Variants in MTCL3 observed in about 807,000 individuals in gnomAD.
MTCL3 encodes the protein MTCL family member 3.
the MTCL3 span, chr6:127,476,012 G>T: frequency 6.2e-7 from 1 of 1,610,854 alleles, no homozygotes. This position sits in a 1 kb window ranked among gnomAD's most constrained non-coding sequence, Gnocchi z 4.4. Flanking sequence ...GCCGTGATGC[G>T]CTTGTTCTGC....
chr6:127,509,567 TTACTC>T, the MTCL3 span, among the ~76,000 whole-genome samples: 42 of 152,312 alleles, frequency 2.8e-4, no homozygotes, highest in Middle Eastern at 3.4e-3. Context: ...TTTTTTGACT[TTACTC>T]TATAACTAGT....
At chr6:127,478,466 T>C in the MTCL3 span, among the ~76,000 whole-genome samples, 1 of 151,888 alleles carries the variant, frequency 6.6e-6, no homozygotes, top group South Asian at 2.1e-4. Context: ...AAAGGAGAAA[T>C]GGAAATGGTT....
chr6:127,503,978 G>A, the MTCL3 span, among the ~76,000 whole-genome samples: 1 of 152,064 alleles, frequency 6.6e-6, no homozygotes, highest in East Asian at 1.9e-4. Flanking sequence ...TGTTTTGGTT[G>A]TTGTGGACAC....
At chr6:127,515,750 G>C in the MTCL3 span, 9 of 1,599,554 alleles carry the variant, frequency 5.6e-6, no homozygotes, top group Non-Finnish European at 6.8e-6. The surrounding 1 kb of genome is among the most constrained non-coding windows in gnomAD (Gnocchi z 4.3). Flanking sequence ...GGGGAGCTGC[G>C]GCTACTGCTG....
At chr6:127,490,951 T>C in the MTCL3 span, among the ~76,000 whole-genome samples, 2,096 of 152,230 alleles carry the variant, frequency 0.014, 64 homozygotes, top group African/African-American at 0.048. Flanking sequence ...GTTCAAGACA[T>C]CAGTTGAGGA....
chr6:127,490,889 T>C, the MTCL3 span, among the ~76,000 whole-genome samples: 2 of 152,084 alleles, frequency 1.3e-5, no homozygotes, highest in Admixed American at 6.5e-5. Context: ...GGTCAAAACA[T>C]TAACAGGAGT....
At chr6:127,515,652 G>T in the MTCL3 span, 1 of 1,475,386 alleles carries the variant, frequency 6.8e-7, no homozygotes. The surrounding 1 kb of genome is among the most constrained non-coding windows in gnomAD (Gnocchi z 4.3). Flanking sequence ...TGCCCTCTGC[G>T]CTCTGCTGGG....
chr6:127,515,983 C>G, the MTCL3 span: 12 of 1,592,776 alleles, frequency 7.5e-6, no homozygotes, highest in African/African-American at 1.3e-5. This position sits in a 1 kb window ranked among gnomAD's most constrained non-coding sequence, Gnocchi z 4.3. Flanking sequence ...GGCCCCCTCC[C>G]CGCCGCTGCC....
At chr6:127,494,245 G>A in the MTCL3 span, among the ~76,000 whole-genome samples, 3 of 152,120 alleles carry the variant, frequency 2.0e-5, no homozygotes, top group Non-Finnish European at 4.4e-5. Context: ...TGGCAAAACT[G>A]CAATTACTTT....
the MTCL3 span, among the ~76,000 whole-genome samples, chr6:127,497,854 T>C: frequency 1.3e-5 from 2 of 152,158 alleles, no homozygotes; most frequent in African/African-American, 4.8e-5. Context: ...GAAAGGATAG[T>C]CTTTTCGACA....
the MTCL3 span, among the ~76,000 whole-genome samples, chr6:127,514,040 T>A: frequency 6.6e-6 from 1 of 152,234 alleles, no homozygotes; most frequent in Non-Finnish European, 1.5e-5. Context: ...GTTAATGCAA[T>A]GAACGTATAC....
chr6:127,517,387 A>G, the MTCL3 span: 6 of 152,222 alleles, frequency 3.9e-5, no homozygotes, highest in Admixed American at 2.6e-4. Flanking sequence ...AATTGTCTAT[A>G]TGGGTTAGTT....
the MTCL3 span, chr6:127,476,569 T>G: frequency 1.1e-6 from 1 of 951,578 alleles, no homozygotes; most frequent in Non-Finnish European, 1.5e-6. The surrounding 1 kb of genome is among the most constrained non-coding windows in gnomAD (Gnocchi z 4.4). Flanking sequence ...TTTCTTGCAA[T>G]CCAGATTTAA....
At chr6:127,487,569 C>T in the MTCL3 span, among the ~76,000 whole-genome samples, 1 of 152,170 alleles carries the variant, frequency 6.6e-6, no homozygotes, top group East Asian at 1.9e-4. Flanking sequence ...TCTTTTCCTT[C>T]TATTACATCC....
At chr6:127,503,579 G>T in the MTCL3 span, among the ~76,000 whole-genome samples, 2 of 152,176 alleles carry the variant, frequency 1.3e-5, no homozygotes, top group Non-Finnish European at 2.9e-5. Context: ...AAACTGCAGA[G>T]CTGATGCCCA....
the MTCL3 span, among the ~76,000 whole-genome samples, chr6:127,491,357 C>T: frequency 6.6e-6 from 1 of 152,226 alleles, no homozygotes; most frequent in African/African-American, 2.4e-5. Flanking sequence ...GCCACTCCAA[C>T]TTTTGGCAAC....
the MTCL3 span, among the ~76,000 whole-genome samples, chr6:127,496,817 G>T: frequency 6.6e-6 from 1 of 152,046 alleles, no homozygotes; most frequent in Non-Finnish European, 1.5e-5. Flanking sequence ...GCCCAATGGG[G>T]TATTATTTGG....
the MTCL3 span, chr6:127,483,056 C>G: frequency 2.3e-6 from 3 of 1,278,920 alleles, no homozygotes; most frequent in South Asian, 4.3e-5. Flanking sequence ...TTTAAGTATT[C>G]TAGTCTCAAA....
At chr6:127,514,267 G>GT in the MTCL3 span, among the ~76,000 whole-genome samples, 206 of 150,146 alleles carry the variant, frequency 1.4e-3, 1 homozygote, top group South Asian at 4.9e-3. Flanking sequence ...TTGGTTATCT[G>GT]TTTTTTTTTT....
Sources: gnomAD v4.1 joint callset for allele counts (sites outside exome capture counted in the v4.1 genomes callset) on GRCh38, gnomAD v4.1.1 for gene constraint, Gnocchi (gnomAD v3.1) non-coding constraint, MANE v1.5 for transcripts, NCBI Gene and HGNC (gene_info 2026-07-23, HGNC 2026-07-21) for gene names.